L3MBTL4: variants seen among roughly 807,000 people sequenced by gnomAD.
L3MBTL4 encodes L3MBTL histone methyl-lysine binding protein 4.
Under a neutral mutation model 84.5 loss-of-function variants are expected in L3MBTL4, and 70 were observed. The observed-to-expected ratio is 0.83, with a 90% CI of 0.68 to 1.01. The LOEUF is 1.01. Ranked by LOEUF, L3MBTL4 falls within the 50% of genes least tolerant of loss-of-function variation. The pLI, the probability that L3MBTL4 is intolerant of heterozygous loss-of-function variation, is 0.00. For synonymous variants in L3MBTL4, 274 were observed against 259.8 expected (o/e 1.05, Z -0.52); for missense variants, 715 against 754.8 (o/e 0.95, Z 0.62).
chr18:6,217,571 A>G (rs904819660), intron 10 of L3MBTL4, among the ~76,000 whole-genome samples: 1 of 152,198 alleles, frequency 6.6e-6, no homozygotes, highest in African/African-American at 2.4e-5. Context: ...TATTATTAAA[A>G]ATGCTGCTAT....
intron 1 of L3MBTL4, among the ~76,000 whole-genome samples, chr18:6,339,492 C>T (rs1348105349): frequency 3.3e-5 from 5 of 152,020 alleles, no homozygotes; most frequent in South Asian, 2.1e-4. Flanking sequence ...AGCTAAATCT[C>T]GTGCTTAGAA....
intron 1 of L3MBTL4, among the ~76,000 whole-genome samples, chr18:6,380,295 GT>G (rs1425067487): frequency 6.6e-6 from 1 of 151,996 alleles, no homozygotes; most frequent in Admixed American, 6.6e-5. Flanking sequence ...TTTTTGAAGG[GT>G]TTTTCGTGTC....
intron 17 of L3MBTL4, 93 bp from the exon 18 acceptor site, chr18:5,960,249 A>T (rs1354737487): frequency 1.3e-5 from 8 of 627,662 alleles, no homozygotes; most frequent in Non-Finnish European, 2.7e-6. Flanking sequence ...ATATACTTAA[A>T]ATCTCTCAAA....
chr18:5,956,119 G>T lies in L3MBTL4; in HGVS notation c.*101C>A. On this transcript the variant is annotated 3_prime_UTR_variant, in exon 19 of 19. Transcript: ENST00000317931. ...ACACTTTAAAAAGTCCAGATTCAGT[G>T]TGGATACGGCCATGGGGACATTCAC... The T allele has an allele frequency of 2.0e-6, 2 of 978,560 alleles. No homozygotes were observed. Among genetic ancestry groups the T allele is most frequent in the Non-Finnish European group, 3.1e-6 (2 of 644,872 alleles). The allele number at this position is 978,560 out of a possible 1,614,324, so 60.6% of individuals were successfully genotyped here.
intron 13 of L3MBTL4, among the ~76,000 whole-genome samples, chr18:6,163,249 T>G: frequency 2.8e-5 from 2 of 71,384 alleles, no homozygotes; most frequent in East Asian, 5.8e-4. Context: ...TGTCTACGGG[T>G]GTGTGTGTGT....
intron 1 of L3MBTL4, among the ~76,000 whole-genome samples, chr18:6,352,113 C>T (rs2143795813): frequency 6.6e-6 from 1 of 152,044 alleles, no homozygotes; most frequent in Non-Finnish European, 1.5e-5. Context: ...AATTTTTTTG[C>T]TTCTCTCCCT....
chr18:6,331,510 C>A (rs2052033006), intron 1 of L3MBTL4, among the ~76,000 whole-genome samples: 1 of 152,048 alleles, frequency 6.6e-6, no homozygotes, highest in South Asian at 2.1e-4. Flanking sequence ...AGTTCTTGGA[C>A]TAAAACTAGA....
At chr18:6,125,846 A>G (rs1456277366) in intron 14 of L3MBTL4, among the ~76,000 whole-genome samples, 1 of 152,242 alleles carries the variant, frequency 6.6e-6, no homozygotes, top group Non-Finnish European at 1.5e-5. Context: ...ATGCACACAC[A>G]TGAATTTTGT....
intron 16 of L3MBTL4, among the ~76,000 whole-genome samples, chr18:5,999,552 A>G (rs150784626): frequency 1.3e-5 from 2 of 152,262 alleles, no homozygotes; most frequent in African/African-American, 4.8e-5. Flanking sequence ...TAAACATGCT[A>G]ATCAGCAAGG....
chr18:6,385,923 T>C (rs2054797851), intron 1 of L3MBTL4, among the ~76,000 whole-genome samples: 1 of 152,134 alleles, frequency 6.6e-6, no homozygotes, highest in South Asian at 2.1e-4. Flanking sequence ...ATGCCATAGA[T>C]AAAGGTATAA....
intron 16 of L3MBTL4, among the ~76,000 whole-genome samples, chr18:6,066,022 T>C (rs1167170309): frequency 6.6e-6 from 1 of 152,122 alleles, no homozygotes; most frequent in Admixed American, 6.6e-5. Context: ...TGGGCTGCTT[T>C]TGCTGTATCC....
chr18:6,196,483 T>A (rs1330984125), intron 12 of L3MBTL4, among the ~76,000 whole-genome samples: 2 of 152,138 alleles, frequency 1.3e-5, no homozygotes, highest in African/African-American at 2.4e-5. Flanking sequence ...TACAACCCTA[T>A]GATCTTAACT....
At chr18:6,107,710 A>G (rs10502344) in intron 14 of L3MBTL4, among the ~76,000 whole-genome samples, 10,063 of 151,990 alleles carry the variant, frequency 0.066, 500 homozygotes, top group African/African-American at 0.14. Flanking sequence ...ATAATTCTGG[A>G]TTCATTCTGC....
intron 16 of L3MBTL4, among the ~76,000 whole-genome samples, chr18:6,009,803 C>G (rs569097416): frequency 5.8e-4 from 89 of 152,298 alleles, no homozygotes; most frequent in African/African-American, 1.9e-3. Context: ...AGGACACAAA[C>G]GGCTTCCTGT....
intron 5 of L3MBTL4, among the ~76,000 whole-genome samples, chr18:6,245,414 T>C (rs28536484): frequency 0.011 from 1,720 of 152,224 alleles, 30 homozygotes; most frequent in African/African-American, 0.039. Context: ...ATCACTTTAT[T>C]ATATGGATTA....
intron 13 of L3MBTL4, among the ~76,000 whole-genome samples, chr18:6,157,853 A>G (rs2043164885): frequency 6.6e-6 from 1 of 152,232 alleles, no homozygotes; most frequent in African/African-American, 2.4e-5. Context: ...AGCTAAAGAA[A>G]GAACAATGAC....
chr18:6,084,152 T>C (rs980317323), intron 15 of L3MBTL4, among the ~76,000 whole-genome samples: 1 of 152,202 alleles, frequency 6.6e-6, no homozygotes, highest in South Asian at 2.1e-4. Context: ...TTAATTCAGG[T>C]TAGTCTAACT....
intron 16 of L3MBTL4, among the ~76,000 whole-genome samples, chr18:5,980,893 G>A (rs2053180446): frequency 1.3e-5 from 2 of 152,212 alleles, no homozygotes; most frequent in South Asian, 2.1e-4. Flanking sequence ...TCCTCAAGCC[G>A]CCCTTGCCTG....
chr18:6,074,765 G>T (rs1428085729), intron 16 of L3MBTL4, among the ~76,000 whole-genome samples: 1 of 151,940 alleles, frequency 6.6e-6, no homozygotes, highest in Non-Finnish European at 1.5e-5. Context: ...GTACATAGAT[G>T]TTTGTTTTGT....
Sources: allele counts gnomAD v4.1 joint callset (sites outside exome capture counted in the v4.1 genomes callset), GRCh38; gene constraint gnomAD v4.1.1; transcripts MANE v1.5; gene names NCBI Gene and HGNC (gene_info 2026-07-23, HGNC 2026-07-21).